HEXD: variants seen among roughly 807,000 people sequenced by gnomAD.
HEXD encodes hexosaminidase D.
A neutral mutation model predicts 54.2 loss-of-function variants in HEXD; 47 were observed. The ratio of observed to expected loss-of-function variants is 0.87; its 90% CI spans 0.69 to 1.11. HEXD has a LOEUF of 1.11. HEXD is among the 50% of genes least tolerant of loss of function. The pLI is 0.00. For synonymous variants in HEXD, 293 were observed against 287.6 expected, an observed-to-expected ratio of 1.02 and a Z score of -0.19; for missense variants, 576 against 649.2, an observed-to-expected ratio of 0.89 and a Z score of 1.23.
chr17:82,435,225 G>T (rs765402724), intron 5 of HEXD, among the ~76,000 whole-genome samples: 2 of 152,016 alleles, frequency 1.3e-5, no homozygotes, highest in Non-Finnish European at 2.9e-5. Flanking sequence ...CCCAGGGCAA[G>T]CCCCGCACCT....
At chr17:82,426,402 G>A (rs991853245) in intron 3 of HEXD, 6 of 152,252 alleles carry the variant, frequency 3.9e-5, no homozygotes, top group African/African-American at 1.4e-4. Context: ...ATGTTGGGCA[G>A]GATGTTCCTC....
At position 82,435,719 on chromosome 17, in the gene HEXD, C is replaced by T. The variant is rs371389382; in HGVS notation, c.478C>T (p.Arg160Cys). ...TTACCTCGGAGAGGGGGAGGCCTCG[C>T]GCCGGTGGCTACAGCAAGAGCAGAA... The part of the protein sequence containing the change: ...VYYLGEGEAS[R>C]RWLQQEQNST... The change falls in exon 6 of 13, where the codon CGC (arginine) becomes TGC (cysteine). Residue 160 changes from arginine (R) to cysteine (C), a missense_variant. Arg to Cys is a radical substitution (Grantham distance 180). Transcript: ENST00000327949. The T allele has an allele frequency of 1.2e-5, 20 of 1,612,560 alleles. 1 individual carries two copies. Among genetic ancestry groups the T allele is most frequent in the East Asian group, 6.7e-5 (3 of 44,876 alleles).
Position 82,422,644 on chromosome 17 carries a change from G to C in HEXD, c.85-1750G>C, listed in dbSNP as rs576705893. Among the ~76,000 whole-genome samples, 13 of 152,332 alleles carry C rather than the reference G, an allele frequency of 8.5e-5. No individual in the cohort carries two copies. The South Asian group carries it at 2.7e-3, about 32-fold the overall frequency. On this transcript the variant is annotated intron_variant, in intron 2 of 12. Coordinates refer to ENST00000327949, the MANE Select transcript of HEXD (RefSeq NM_001330542.2). ...AGTGTACAAGTGAGTAGACACCATG[G>C]AAAGTGCAGTATTTGGAAACAGATG... is the stretch of plus-strand genomic sequence containing the variant.
intron 3 of HEXD, chr17:82,427,993 A>T (rs1291866227): frequency 1.3e-5 from 2 of 150,506 alleles, no homozygotes; most frequent in Admixed American, 6.6e-5. Context: ...TAGCATTTTT[A>T]TTTTTTTTTG....
chr17:82,436,957 G>A, intron 7 of HEXD: 2 of 635,880 alleles, frequency 3.1e-6, no homozygotes, highest in Non-Finnish European at 5.5e-6. Context: ...TTCCTAGTGA[G>A]CAGGTGAACC....
At position 82,434,123 on chromosome 17, in the gene HEXD, G is replaced by T. The variant is rs541628750; in HGVS notation, c.447+301G>T. ...CCCTCGTGTCAGACGAGACCACCCC[G>T]GGCGGCTGGGCTGGCGGAAGCCTGT... On this transcript the variant is annotated intron_variant, in intron 5 of 12. Transcript: ENST00000327949. This position sits in a 1 kb window ranked among gnomAD's most constrained non-coding sequence, Gnocchi z 4.5. 6.6e-5 allele frequency among the ~76,000 whole-genome samples: 10 copies of T among 152,336 alleles called. No individual in the cohort carries two copies. The East Asian group carries it at 1.7e-3, about 26-fold the overall frequency.
intron 2 of HEXD, among the ~76,000 whole-genome samples, chr17:82,420,686 G>C (rs1389353783): frequency 2.0e-5 from 3 of 152,190 alleles, no homozygotes; most frequent in Non-Finnish European, 4.4e-5. Flanking sequence ...TCCTGCCTCA[G>C]CCTCTGGAGT....
intron 2 of HEXD, 182 bp downstream of exon 2, chr17:82,420,065 A>C (rs2053185467): frequency 2.6e-6 from 1 of 390,876 alleles, no homozygotes; most frequent in African/African-American, 2.1e-5. Context: ...AAAACAGAAC[A>C]ACCAGGATGA....
chr17:82,423,983 C>T (rs1187799841), intron 2 of HEXD, among the ~76,000 whole-genome samples: 1 of 151,870 alleles, frequency 6.6e-6, no homozygotes, highest in Non-Finnish European at 1.5e-5. Context: ...GCTCCTCCTG[C>T]CCCGTCCCCC....
chr17:82,441,737 T>C (rs1305371004), intron 11 of HEXD, 63 bp from the exon 12 acceptor site: 3 of 1,277,794 alleles, frequency 2.3e-6, no homozygotes, highest in East Asian at 4.6e-5. Flanking sequence ...TCTGTATTAC[T>C]GCAAAGCCGC....
At chr17:82,436,883 C>A (rs1033670079) in intron 7 of HEXD, 145 bp downstream of exon 7, 2 of 732,928 alleles carry the variant, frequency 2.7e-6, no homozygotes, top group Non-Finnish European at 4.4e-6. Flanking sequence ...GACCCCAGCC[C>A]ATGGTGCCTC....
rs2053489386 is a variant in HEXD at position 82,428,613 on chromosome 17, A to C, written c.250A>C (p.Ile84Leu). The change falls in exon 4 of 13, where the codon ATT (isoleucine) becomes CTT (leucine). Residue 84 changes from isoleucine to leucine, a missense_variant. Coordinates refer to ENST00000327949, the MANE Select transcript of HEXD (RefSeq NM_001330542.2). ...HLAGLNELEV[I>L]PLVQTFGHME... ...GGCTGGACTCAATGAGCTGGAGGTG[A>C]TTCCCTTGGTGCAGACATTTGGACA... 1 of 1,613,296 alleles carries C rather than the reference A, an allele frequency of 6.2e-7. No individual in the cohort carries two copies. Among genetic ancestry groups the C allele is most frequent in the Non-Finnish European group, 8.5e-7 (1 of 1,179,382 alleles).
At position 82,433,816 on chromosome 17, in the gene HEXD, T is replaced by G. The variant is rs756707667; in HGVS notation, c.441T>G (p.Cys147Trp). ...GCGCCCAGCGGCTGCACATCGGGTG[T>G]GATGAGGTGGGTACTGTCACCCCAG... ...HPGAQRLHIGCDEVYYLGEGE... is the reference protein window; with the variant it reads ...HPGAQRLHIGWDEVYYLGEGE... Residue 147 changes from cysteine (C) to tryptophan (W), a missense_variant, in exon 5 of 13, where the codon TGT becomes TGG. Transcript: ENST00000327949. The G allele has an allele frequency of 4.3e-6, 7 of 1,611,646 alleles. No homozygotes were observed. The highest frequency in any genetic ancestry group is 1.1e-5 in the South Asian group (1 of 90,756).
chr17:82,424,583 A>G (rs772008962), intron 3 of HEXD, 80 bp downstream of exon 3: 5 of 938,144 alleles, frequency 5.3e-6, no homozygotes, highest in Admixed American at 1.8e-5. Context: ...AGGAGCAGCA[A>G]CCTGGAGGTG....
Position 82,442,535 on chromosome 17 carries a change from C to T in HEXD, c.*151C>T. 6.3e-7 allele frequency: 1 copy of T among 1,588,566 alleles called. No individual in the cohort carries two copies. Among genetic ancestry groups the T allele is most frequent in the Non-Finnish European group, 8.6e-7 (1 of 1,159,174 alleles). On this transcript the variant is annotated 3_prime_UTR_variant, in exon 13 of 13. Transcript: ENST00000327949. The surrounding 1 kb of genome is among the most constrained non-coding windows in gnomAD (Gnocchi z 6.8). ...CAGTTCCTGAGGGCCCTGGGCAGCCCCTGGGGGAGAGACTAGAAAACACAG... is the reference window on the plus strand; with the variant it reads ...CAGTTCCTGAGGGCCCTGGGCAGCCTCTGGGGGAGAGACTAGAAAACACAG...
In HEXD at chr17:82,434,694, C is replaced by T. The variant is rs769458162; in HGVS notation, c.447+872C>T. 2.5e-4 allele frequency among the ~76,000 whole-genome samples: 37 copies of T among 150,598 alleles called. No homozygotes were observed. Among genetic ancestry groups the T allele is most frequent in the Non-Finnish European group, 4.7e-4 (32 of 67,722 alleles). ...CTCTACTAAATATACAAAAATCAGC[C>T]GGGCGTGATGGCGGGCGCCTGTAAT... On this transcript the variant is annotated intron_variant, in intron 5 of 12. Coordinates refer to ENST00000327949, the MANE Select transcript of HEXD (RefSeq NM_001330542.2). The surrounding 1 kb of genome is among the most constrained non-coding windows in gnomAD (Gnocchi z 4.5).
chr17:82,437,142 A>C, intron 7 of HEXD, 26 bp from the exon 8 acceptor site: 1 of 1,553,610 alleles, frequency 6.4e-7, no homozygotes, highest in Non-Finnish European at 8.8e-7. Flanking sequence ...CCCTGGAGCC[A>C]CTCACCTGTT....
chr17:82,422,280 A>G (rs2053258387), intron 2 of HEXD, among the ~76,000 whole-genome samples: 1 of 152,214 alleles, frequency 6.6e-6, no homozygotes, highest in South Asian at 2.1e-4. Flanking sequence ...ATTTCATAAC[A>G]AGATAAAAGA....
intron 4 of HEXD, among the ~76,000 whole-genome samples, chr17:82,429,502 G>C (rs1426083743): frequency 6.6e-6 from 1 of 152,064 alleles, no homozygotes; most frequent in Non-Finnish European, 1.5e-5. Context: ...CTTTCTAGTT[G>C]ATTCTCTCCA....
Sources: gnomAD v4.1 joint callset for allele counts (sites outside exome capture counted in the v4.1 genomes callset) on GRCh38, gnomAD v4.1.1 for gene constraint, Gnocchi (gnomAD v3.1) non-coding constraint, MANE v1.5 for transcripts, NCBI Gene and HGNC (gene_info 2026-07-23, HGNC 2026-07-21) for gene names.